The following PRKG1 variants were observed in gnomAD, a reference collection of about 807,000 sequenced individuals.
PRKG1 encodes the protein cGMP-dependent protein kinase 1.
PRKG1 carries 35 observed loss-of-function variants against 88.1 expected under a neutral mutation model. That is an observed-to-expected ratio of 0.40 (90% CI 0.30 to 0.53). The LOEUF (loss-of-function observed/expected upper bound fraction) is 0.53. Among genes scored for constraint, PRKG1 ranks in the 20% least tolerant of loss-of-function variants. PRKG1 has a pLI of 0.59. For missense variants in PRKG1, 540 were observed against 839.8 expected (o/e 0.64, Z 4.41); for synonymous variants, 303 against 292.5 (o/e 1.04, Z -0.37).
chr10:51,261,625 T>C (rs1839706998), intron 2 of PRKG1, among the ~76,000 whole-genome samples: 1 of 152,230 alleles, frequency 6.6e-6, no homozygotes. Flanking sequence ...TTTGGTCTAA[T>C]GCAAAGAATA....
chr10:51,979,297 G>A (rs1417309113), intron 5 of PRKG1, among the ~76,000 whole-genome samples: 1 of 151,654 alleles, frequency 6.6e-6, no homozygotes, highest in African/African-American at 2.4e-5. Context: ...TTGAATCTTA[G>A]GGATAAAGCC....
At chr10:51,278,495 T>C (rs183194031) in intron 2 of PRKG1, among the ~76,000 whole-genome samples, 1 of 152,330 alleles carries the variant, frequency 6.6e-6, no homozygotes, top group East Asian at 1.9e-4. Context: ...GATTCCCTCT[T>C]TTTCTATTGA....
At chr10:51,687,152 GA>G (rs76425121) in intron 3 of PRKG1, among the ~76,000 whole-genome samples, 11,942 of 151,318 alleles carry the variant, frequency 0.079, 503 homozygotes, top group East Asian at 0.087. Context: ...AAACTTTCAA[GA>G]AAAAAAAAGT....
chr10:51,447,175 C>T (rs172400), intron 2 of PRKG1, among the ~76,000 whole-genome samples: 41 of 152,078 alleles, frequency 2.7e-4, no homozygotes, highest in African/African-American at 8.7e-4. Context: ...TAAATAAAGG[C>T]CATAAGTAGT....
At chr10:52,084,155 C>T (rs896131930) in intron 7 of PRKG1, among the ~76,000 whole-genome samples, 1 of 151,950 alleles carries the variant, frequency 6.6e-6, no homozygotes, top group South Asian at 2.1e-4. Context: ...AGATGATTAG[C>T]AGTGCATTTA....
chr10:51,771,771 G>A (rs1838311022), intron 3 of PRKG1, among the ~76,000 whole-genome samples: 1 of 152,002 alleles, frequency 6.6e-6, no homozygotes, highest in South Asian at 2.1e-4. Context: ...AGCACTTCAG[G>A]CAACTCCAGA....
chr10:51,709,565 G>C (rs1324407939), intron 3 of PRKG1, among the ~76,000 whole-genome samples: 1 of 152,224 alleles, frequency 6.6e-6, no homozygotes, highest in Non-Finnish European at 1.5e-5. Context: ...CTAGAGCTCA[G>C]CCTTTTGTTA....
chr10:51,949,515 C>A (rs961826456), intron 5 of PRKG1, among the ~76,000 whole-genome samples: 2 of 151,596 alleles, frequency 1.3e-5, no homozygotes, highest in African/African-American at 4.8e-5. Flanking sequence ...AGTAGAAGAG[C>A]ATCATATGTC....
At chr10:51,558,818 T>C (rs781752108) in intron 3 of PRKG1, among the ~76,000 whole-genome samples, 1 of 152,088 alleles carries the variant, frequency 6.6e-6, no homozygotes, top group Non-Finnish European at 1.5e-5. Context: ...AATCTCTGTC[T>C]TGTCTTCAGC....
chr10:51,262,267 A>G (rs1227254444), intron 2 of PRKG1, among the ~76,000 whole-genome samples: 2 of 152,152 alleles, frequency 1.3e-5, no homozygotes, highest in Non-Finnish European at 2.9e-5. Flanking sequence ...TCTATATGCT[A>G]TGGACTAATT....
chr10:52,162,053 ACT>A (rs1589661795), intron 9 of PRKG1, 90 bp downstream of exon 9: 7 of 1,095,290 alleles, frequency 6.4e-6, no homozygotes, highest in Non-Finnish European at 6.7e-6. Flanking sequence ...ACATCCCAAC[ACT>A]CTGACAGGAA....
intron 3 of PRKG1, among the ~76,000 whole-genome samples, chr10:51,751,587 C>T (rs1290958466): frequency 1.3e-5 from 2 of 152,088 alleles, no homozygotes; most frequent in African/African-American, 4.8e-5. Flanking sequence ...ATATTTTATA[C>T]GTTGCATGGA....
At chr10:51,730,737 C>T (rs1215752540) in intron 3 of PRKG1, among the ~76,000 whole-genome samples, 1 of 152,210 alleles carries the variant, frequency 6.6e-6, no homozygotes, top group Non-Finnish European at 1.5e-5. Context: ...GTGAGTTAAA[C>T]CTTCCTGCAG....
intron 5 of PRKG1, among the ~76,000 whole-genome samples, chr10:51,960,567 T>C (rs866914118): frequency 2.0e-5 from 3 of 151,972 alleles, no homozygotes; most frequent in African/African-American, 4.8e-5. Context: ...TCACATTGAT[T>C]CTATATCGTT....
At chr10:51,091,781 T>C (rs956707445) in intron 1 of PRKG1, among the ~76,000 whole-genome samples, 1 of 152,146 alleles carries the variant, frequency 6.6e-6, no homozygotes, top group Non-Finnish European at 1.5e-5. Flanking sequence ...CTACTGAGGA[T>C]TAATATACCT....
intron 5 of PRKG1, among the ~76,000 whole-genome samples, chr10:51,943,857 A>G (rs562256993): frequency 4.1e-4 from 63 of 152,068 alleles, no homozygotes; most frequent in African/African-American, 1.5e-3. Context: ...TCTGTTTGCC[A>G]GTATTTTATT....
intron 2 of PRKG1, among the ~76,000 whole-genome samples, chr10:51,442,804 A>G (rs1839158497): frequency 6.6e-6 from 1 of 152,066 alleles, no homozygotes; most frequent in Non-Finnish European, 1.5e-5. Context: ...ATTTCTCTTT[A>G]TGCTGTAGCA....
chr10:52,102,889 C>T (rs1847329580), intron 7 of PRKG1, among the ~76,000 whole-genome samples: 1 of 152,052 alleles, frequency 6.6e-6, no homozygotes, highest in African/African-American at 2.4e-5. Context: ...GAACTGGTAC[C>T]ATATAGCTGG....
chr10:51,847,656 A>G (rs961975432), intron 4 of PRKG1, among the ~76,000 whole-genome samples: 1 of 151,146 alleles, frequency 6.6e-6, no homozygotes, highest in African/African-American at 2.4e-5. Flanking sequence ...CTGTAATTTA[A>G]CATCATAATG....
Sources: allele counts gnomAD v4.1 joint callset (sites outside exome capture counted in the v4.1 genomes callset), GRCh38; gene constraint gnomAD v4.1.1; transcripts MANE v1.5; gene names NCBI Gene and HGNC (gene_info 2026-07-23, HGNC 2026-07-21).